The following GLRB variants were observed in gnomAD, a reference collection of about 807,000 sequenced individuals.
GLRB encodes glycine receptor subunit beta.
In GLRB, 33 loss-of-function variants were observed where a neutral mutation model predicts 54.2. That is an observed-to-expected ratio of 0.61 (90% CI 0.46 to 0.81). GLRB has a LOEUF of 0.81. Among genes scored for constraint, GLRB ranks in the 40% least tolerant of loss-of-function variants. The pLI is 0.00. For missense variants in GLRB, 572 were observed against 584.6 expected (o/e 0.98, Z 0.22); for synonymous variants, 209 against 208.2 (o/e 1.00, Z -0.03).
At chr4:157,131,817 A>G (rs191630069) in intron 4 of GLRB, among the ~76,000 whole-genome samples, 1 of 151,936 alleles carries the variant, frequency 6.6e-6, no homozygotes, top group East Asian at 1.9e-4. Flanking sequence ...CAGTTTACTT[A>G]CCCATTTATC....
chr4:157,151,090 C>T (rs1737006251), intron 8 of GLRB, among the ~76,000 whole-genome samples: 1 of 152,014 alleles, frequency 6.6e-6, no homozygotes, highest in African/African-American at 2.4e-5. Context: ...TCTAATCTAT[C>T]AGGATAAATA....
chr4:157,155,713 GTTTGGTCT>G (rs2126608884), intron 9 of GLRB, among the ~76,000 whole-genome samples: 1 of 152,216 alleles, frequency 6.6e-6, no homozygotes, highest in Non-Finnish European at 1.5e-5. Context: ...TCAAAAAGTT[GTTTGGTCT>G]TTTGGTCGAG....
intron 9 of GLRB, among the ~76,000 whole-genome samples, chr4:157,158,838 C>A (rs1335363106): frequency 6.6e-6 from 1 of 151,986 alleles, no homozygotes; most frequent in Non-Finnish European, 1.5e-5. Context: ...TCCATATGAA[C>A]TTTAAAGTAG....
intron 2 of GLRB, among the ~76,000 whole-genome samples, chr4:157,102,459 A>G (rs953485839): frequency 4.6e-5 from 7 of 152,106 alleles, no homozygotes. Context: ...TGATTGGCTT[A>G]TTTCATTTAA....
chr4:157,085,236 C>T (rs538754977), intron 2 of GLRB, among the ~76,000 whole-genome samples: 1 of 152,038 alleles, frequency 6.6e-6, no homozygotes, highest in African/African-American at 2.4e-5. Flanking sequence ...TCTGCTCTTA[C>T]CATTATTTTA....
intron 9 of GLRB, among the ~76,000 whole-genome samples, chr4:157,166,145 T>C (rs1737699400): frequency 6.6e-6 from 1 of 152,052 alleles, no homozygotes; most frequent in African/African-American, 2.4e-5. Context: ...TTTTTTATTC[T>C]TGACAGTTTC....
chr4:157,090,749 A>G (rs1734580865), intron 2 of GLRB, among the ~76,000 whole-genome samples: 1 of 152,126 alleles, frequency 6.6e-6, no homozygotes, highest in Non-Finnish European at 1.5e-5. Flanking sequence ...TGGGTTTTGC[A>G]TTTTTTCCAA....
At chr4:157,137,506 G>A (rs1046252329) in intron 6 of GLRB, among the ~76,000 whole-genome samples, 13 of 151,012 alleles carry the variant, frequency 8.6e-5, no homozygotes, top group African/African-American at 3.2e-4. Flanking sequence ...ACAAATGCAA[G>A]GAATGTTTAG....
At chr4:157,080,792 C>T (rs1023778630) in intron 2 of GLRB, among the ~76,000 whole-genome samples, 1 of 145,946 alleles carries the variant, frequency 6.9e-6, no homozygotes, top group Non-Finnish European at 1.5e-5. Flanking sequence ...TTTGTTTATA[C>T]TTTTTTTTTT....
intron 4 of GLRB, among the ~76,000 whole-genome samples, chr4:157,129,023 C>T (rs1191413537): frequency 6.6e-6 from 1 of 151,778 alleles, no homozygotes; most frequent in African/African-American, 2.4e-5. Context: ...AAAATATAAA[C>T]AGTTCTTAAT....
At chr4:157,150,423 C>T (rs1220295625) in intron 8 of GLRB, among the ~76,000 whole-genome samples, 1 of 151,972 alleles carries the variant, frequency 6.6e-6, no homozygotes, top group Non-Finnish European at 1.5e-5. Flanking sequence ...TATGAATACT[C>T]CCCTTTTCCC....
intron 8 of GLRB, among the ~76,000 whole-genome samples, chr4:157,152,469 A>G (rs938308858): frequency 6.6e-6 from 1 of 152,122 alleles, no homozygotes; most frequent in African/African-American, 2.4e-5. Flanking sequence ...ATATTTTTAT[A>G]CCCTGGTTTA....
At chr4:157,136,777 A>G (rs373409710) in intron 5 of GLRB, 27 bp from the exon 6 acceptor site, 40 of 1,547,130 alleles carry the variant, frequency 2.6e-5, no homozygotes, top group Non-Finnish European at 3.5e-5. Flanking sequence ...ATATTAAATT[A>G]TTTCTAAGAC....
At chr4:157,165,489 T>A (rs1737671306) in intron 9 of GLRB, among the ~76,000 whole-genome samples, 1 of 151,920 alleles carries the variant, frequency 6.6e-6, no homozygotes, top group Non-Finnish European at 1.5e-5. Context: ...ATGTATAAAA[T>A]AATATTGTGC....
At chr4:157,094,503 GT>G (rs1189149876) in intron 2 of GLRB, among the ~76,000 whole-genome samples, 1 of 152,098 alleles carries the variant, frequency 6.6e-6, no homozygotes, top group Non-Finnish European at 1.5e-5. Context: ...CCAATAAAAA[GT>G]TGTTGAGAAT....
chr4:157,165,018 GACA>G (rs1339006397), intron 9 of GLRB, among the ~76,000 whole-genome samples: 1 of 152,054 alleles, frequency 6.6e-6, no homozygotes, highest in Non-Finnish European at 1.5e-5. Flanking sequence ...TGCTTCAAAA[GACA>G]ACGAGAGATG....
intron 7 of GLRB, among the ~76,000 whole-genome samples, chr4:157,142,708 C>T (rs891393862): frequency 6.6e-6 from 1 of 152,010 alleles, no homozygotes; most frequent in African/African-American, 2.4e-5. Context: ...TTCTTTCCCC[C>T]ATAATTGTTT....
At chr4:157,123,816 A>G (rs1735918822) in intron 4 of GLRB, among the ~76,000 whole-genome samples, 1 of 151,698 alleles carries the variant, frequency 6.6e-6, no homozygotes, top group Non-Finnish European at 1.5e-5. Flanking sequence ...CCACTACACT[A>G]ATACAGAAAC....
chr4:157,097,887 G>T (rs909586217), intron 2 of GLRB, among the ~76,000 whole-genome samples: 2 of 152,158 alleles, frequency 1.3e-5, no homozygotes, highest in Non-Finnish European at 2.9e-5. Context: ...CAGGCATCAT[G>T]GCAGGTGCCT....
Sources: gnomAD v4.1 joint callset for allele counts (sites outside exome capture counted in the v4.1 genomes callset) on GRCh38, gnomAD v4.1.1 for gene constraint, MANE v1.5 for transcripts, NCBI Gene and HGNC (gene_info 2026-07-23, HGNC 2026-07-21) for gene names.